Variants in PALM2AKAP2 observed in about 807,000 individuals in gnomAD.
The protein encoded by PALM2AKAP2 is PALM2-AKAP2 fusion protein.
In PALM2AKAP2, 37 loss-of-function variants were observed where a neutral mutation model predicts 71.5. The ratio of observed to expected loss-of-function variants is 0.52; its 90% CI spans 0.40 to 0.68. The LOEUF (loss-of-function observed/expected upper bound fraction) is 0.68. Among genes scored for constraint, PALM2AKAP2 ranks in the 30% least tolerant of loss-of-function variants. The pLI is 0.00. For synonymous variants in PALM2AKAP2, 468 were observed against 478.8 expected (o/e 0.98, Z 0.29); for missense variants, 1,224 against 1,191.8 (o/e 1.03, Z -0.40).
chr9:109,809,287 C>A (rs1405826472), intron 1 of PALM2AKAP2, among the ~76,000 whole-genome samples: 1 of 152,180 alleles, frequency 6.6e-6, no homozygotes, highest in Non-Finnish European at 1.5e-5. Flanking sequence ...CTTTACCCTG[C>A]AAAGCCAAAG....
At chr9:109,796,753 A>G (rs1827267116) in intron 1 of PALM2AKAP2, among the ~76,000 whole-genome samples, 1 of 152,200 alleles carries the variant, frequency 6.6e-6, no homozygotes, top group African/African-American at 2.4e-5. Context: ...TTTCATGGGA[A>G]CACACTCACT....
At chr9:110,135,757 C>A (rs545228349) in intron 1 of PALM2AKAP2, among the ~76,000 whole-genome samples, 3 of 152,326 alleles carry the variant, frequency 2.0e-5, no homozygotes, top group South Asian at 4.1e-4. Flanking sequence ...TTTTAAAGAT[C>A]TGTTCATACA....
intron 1 of PALM2AKAP2, among the ~76,000 whole-genome samples, chr9:110,079,501 A>T (rs1007266280): frequency 1.3e-5 from 2 of 152,154 alleles, no homozygotes; most frequent in African/African-American, 4.8e-5. Flanking sequence ...ATCTCCAAAA[A>T]GAAAAAAAAA....
At chr9:110,136,787 T>G (rs778395434) in exon 2 of PALM2AKAP2, 1 of 1,614,036 alleles carries the variant, frequency 6.2e-7, no homozygotes, top group Non-Finnish European at 8.5e-7. Flanking sequence ...GCTGCGTGCC[T>G]TCCATGAGGA....
chr9:109,749,221 T>C (rs1031649794), intron 1 of PALM2AKAP2, among the ~76,000 whole-genome samples: 3 of 152,094 alleles, frequency 2.0e-5, no homozygotes, highest in Non-Finnish European at 4.4e-5. Context: ...ACTTGACAGA[T>C]CATGATGCCC....
chr9:109,728,162 T>C (rs117192019), intron 1 of PALM2AKAP2, among the ~76,000 whole-genome samples: 2,144 of 152,344 alleles, frequency 0.014, 26 homozygotes, highest in Non-Finnish European at 0.022. Flanking sequence ...TAGAATATCT[T>C]TTTAGAACTT....
intron 3 of PALM2AKAP2, among the ~76,000 whole-genome samples, chr9:109,921,080 GC>G (rs1193806738): frequency 6.6e-6 from 1 of 152,192 alleles, no homozygotes; most frequent in Non-Finnish European, 1.5e-5. Context: ...AGATTGGCCA[GC>G]CCCCTCTCCA....
chr9:110,009,098 G>C (rs1054341686), intron 6 of PALM2AKAP2, among the ~76,000 whole-genome samples: 1 of 152,100 alleles, frequency 6.6e-6, no homozygotes, highest in African/African-American at 2.4e-5. Flanking sequence ...CAATGAGCGA[G>C]AGCAAATTTC....
chr9:109,782,160 T>G (rs1826821901), intron 1 of PALM2AKAP2, among the ~76,000 whole-genome samples: 1 of 152,194 alleles, frequency 6.6e-6, no homozygotes, highest in Non-Finnish European at 1.5e-5. Context: ...AACACTGGGG[T>G]ACCCTTTTCC....
At chr9:110,125,004 G>C (rs1835565755) in intron 1 of PALM2AKAP2, among the ~76,000 whole-genome samples, 1 of 152,102 alleles carries the variant, frequency 6.6e-6, no homozygotes, top group African/African-American at 2.4e-5. Flanking sequence ...GAGGGGTAAT[G>C]AATATTTTTT....
At chr9:109,932,757 G>A (rs1453616722) in intron 6 of PALM2AKAP2, among the ~76,000 whole-genome samples, 1 of 152,234 alleles carries the variant, frequency 6.6e-6, no homozygotes, top group East Asian at 1.9e-4. Context: ...AGGGCTGGGG[G>A]TTAAATGGAA....
upstream of PALM2AKAP2, among the ~76,000 whole-genome samples, chr9:110,047,415 G>A (rs180703918): frequency 4.5e-4 from 69 of 152,268 alleles, no homozygotes; most frequent in African/African-American, 1.6e-3. Context: ...TAGTTCCCAA[G>A]GGTATCATTT....
chr9:109,662,378 C>G (rs148457277), intron 1 of PALM2AKAP2, among the ~76,000 whole-genome samples: 57,050 of 151,934 alleles, frequency 0.38, 11,458 homozygotes, highest in African/African-American at 0.52. Context: ...TAGCCTGAAG[C>G]GCTGTTGAAT....
intron 2 of PALM2AKAP2, among the ~76,000 whole-genome samples, chr9:109,878,879 A>G (rs991088545): frequency 6.6e-6 from 1 of 152,176 alleles, no homozygotes; most frequent in Admixed American, 6.5e-5. Context: ...CTGGGATTAC[A>G]GGCGCATGCC....
chr9:109,642,061 G>C (rs917920441), intron 1 of PALM2AKAP2, among the ~76,000 whole-genome samples: 4 of 152,124 alleles, frequency 2.6e-5, no homozygotes, highest in African/African-American at 9.7e-5. Flanking sequence ...TGGAAACAAA[G>C]ATGTTCCTTA....
At chr9:109,954,335 G>T (rs891382762) in intron 6 of PALM2AKAP2, among the ~76,000 whole-genome samples, 44 of 152,220 alleles carry the variant, frequency 2.9e-4, no homozygotes, top group African/African-American at 1.1e-3. Flanking sequence ...TATCATCCTT[G>T]TGCAGCTATT....
intron 7 of PALM2AKAP2, among the ~76,000 whole-genome samples, chr9:110,020,100 CT>C (rs1382382463): frequency 6.6e-6 from 1 of 152,130 alleles, no homozygotes; most frequent in African/African-American, 2.4e-5. Context: ...CTATTCCTGC[CT>C]TTTGCCTGAG....
upstream of PALM2AKAP2, among the ~76,000 whole-genome samples, chr9:110,046,272 C>T (rs1295555206): frequency 1.3e-5 from 2 of 152,062 alleles, no homozygotes; most frequent in African/African-American, 2.4e-5. Context: ...TCATGGCTAC[C>T]TCTTTAATAA....
At chr9:110,087,217 C>A (rs1834594106) in intron 1 of PALM2AKAP2, among the ~76,000 whole-genome samples, 1 of 152,178 alleles carries the variant, frequency 6.6e-6, no homozygotes, top group Non-Finnish European at 1.5e-5. Context: ...TTGTTGATCA[C>A]CCCAGGAGGA....
Sources: allele counts gnomAD v4.1 joint callset (sites outside exome capture counted in the v4.1 genomes callset), GRCh38; gene constraint gnomAD v4.1.1; transcripts MANE v1.5; gene names NCBI Gene and HGNC (gene_info 2026-07-23, HGNC 2026-07-21).